SEMA5A: variants seen among roughly 807,000 people sequenced by gnomAD.
The protein encoded by SEMA5A is semaphorin-5A.
A neutral mutation model predicts 135.5 loss-of-function variants in SEMA5A; 55 were observed. That is an observed-to-expected ratio of 0.41 (90% CI 0.33 to 0.51). The LOEUF is 0.51. SEMA5A is among the 20% of genes least tolerant of loss of function. The probability of loss-of-function intolerance (pLI) is 0.37; values close to 1 mark genes in which losing one functional copy is unlikely to be tolerated. For missense variants in SEMA5A, 1,290 were observed against 1,419.9 expected, an observed-to-expected ratio of 0.91 and a Z score of 1.47; for synonymous variants, 580 against 546.5, an observed-to-expected ratio of 1.06 and a Z score of -0.85.
chr5:9,438,584 G>A (rs1164947176), intron 1 of SEMA5A, among the ~76,000 whole-genome samples: 3 of 152,196 alleles, frequency 2.0e-5, no homozygotes, highest in Non-Finnish European at 2.9e-5. Context: ...ATCCATATGA[G>A]AAATGTGTTC....
In SEMA5A at chr5:9,154,640, A is replaced by G. The variant is rs1197131849; in HGVS notation, c.1329T>C (p.Cys443=). 2 of 1,614,100 alleles carry G rather than the reference A, an allele frequency of 1.2e-6. No homozygotes were observed. Among genetic ancestry groups the G allele is most frequent in the Non-Finnish European group, 1.7e-6 (2 of 1,180,014 alleles). ...RVPLNQTSSS[C]LLEEIELFPE... is the part of the protein sequence containing the mutation. ...GGAAGAGCTCAATCTCTTCCAGCAAACAGCTGCTTGAGGTCTGATTCAGGG... is the reference window on the plus strand; with the variant it reads ...GGAAGAGCTCAATCTCTTCCAGCAAGCAGCTGCTTGAGGTCTGATTCAGGG... The change falls in exon 12 of 23, where the codon TGT becomes TGC. Residue 443 remains cysteine (C), a synonymous_variant. Transcript: ENST00000382496.
chr5:9,061,014 C>T (rs1737151742), intron 18 of SEMA5A, among the ~76,000 whole-genome samples: 1 of 151,758 alleles, frequency 6.6e-6, no homozygotes, highest in Non-Finnish European at 1.5e-5. Flanking sequence ...CGTTTCTGTC[C>T]CTCGAGACCC....
chr5:9,348,548 T>A (rs1753977923), intron 3 of SEMA5A, among the ~76,000 whole-genome samples: 1 of 152,202 alleles, frequency 6.6e-6, no homozygotes, highest in Admixed American at 6.5e-5. Context: ...GCAGAAGGGT[T>A]TTCATTTTGA....
chr5:9,161,009 C>T (rs1358948280), intron 11 of SEMA5A, among the ~76,000 whole-genome samples: 1 of 152,170 alleles, frequency 6.6e-6, no homozygotes, highest in Non-Finnish European at 1.5e-5. Flanking sequence ...CCATGAAACA[C>T]TGAATCTTAT....
At chr5:9,480,912 C>A (rs1248744889) in intron 1 of SEMA5A, among the ~76,000 whole-genome samples, 1 of 152,108 alleles carries the variant, frequency 6.6e-6, no homozygotes, top group Non-Finnish European at 1.5e-5. Flanking sequence ...ACTTTAACCA[C>A]TAAGAGACTA....
chr5:9,184,815 G>A (rs980016735), intron 11 of SEMA5A, among the ~76,000 whole-genome samples: 5 of 151,992 alleles, frequency 3.3e-5, no homozygotes, highest in Admixed American at 1.3e-4. Context: ...TCCTGCTCCT[G>A]CTGGGATGCC....
intron 11 of SEMA5A, among the ~76,000 whole-genome samples, chr5:9,158,659 G>C (rs1486273455): frequency 1.3e-5 from 2 of 152,110 alleles, no homozygotes; most frequent in Non-Finnish European, 2.9e-5. Flanking sequence ...TTTGCCATTT[G>C]TGAAAATGTC....
chr5:9,157,165 G>A (rs1025857364), intron 11 of SEMA5A, among the ~76,000 whole-genome samples: 25 of 124,970 alleles, frequency 2.0e-4, no homozygotes, highest in African/African-American at 6.7e-4. Flanking sequence ...TCTGCATCAG[G>A]TTTAGCACAC....
intron 8 of SEMA5A, among the ~76,000 whole-genome samples, chr5:9,220,869 C>T (rs1467828588): frequency 6.6e-6 from 1 of 152,180 alleles, no homozygotes; most frequent in Admixed American, 6.5e-5. Flanking sequence ...AGAACCACAG[C>T]AGCGCCGCAT....
intron 1 of SEMA5A, among the ~76,000 whole-genome samples, chr5:9,494,653 C>T (rs1228447449): frequency 6.7e-6 from 1 of 149,292 alleles, no homozygotes; most frequent in Non-Finnish European, 1.5e-5. Context: ...TTTAGAATTT[C>T]CACAATGTCC....
intron 16 of SEMA5A, among the ~76,000 whole-genome samples, chr5:9,091,422 G>A (rs1034510938): frequency 6.6e-6 from 1 of 152,142 alleles, no homozygotes; most frequent in African/African-American, 2.4e-5. Flanking sequence ...ATCCAGACAA[G>A]GATAGAGCAG....
intron 2 of SEMA5A, among the ~76,000 whole-genome samples, chr5:9,436,336 C>T (rs552175287): frequency 1.1e-4 from 16 of 152,158 alleles, no homozygotes; most frequent in African/African-American, 3.1e-4. Flanking sequence ...GGGGAGGGAA[C>T]GGGAGGTTCC....
chr5:9,085,353 C>T (rs984943847), intron 16 of SEMA5A, among the ~76,000 whole-genome samples: 1 of 152,084 alleles, frequency 6.6e-6, no homozygotes, highest in Non-Finnish European at 1.5e-5. Context: ...TCATTACAGG[C>T]CCAGAGGCCT....
chr5:9,390,605 C>T (rs750941947), intron 2 of SEMA5A, among the ~76,000 whole-genome samples: 3 of 151,908 alleles, frequency 2.0e-5, no homozygotes, highest in African/African-American at 2.4e-5. Context: ...TCTGATGAAA[C>T]CTTTTAAATC....
At chr5:9,158,753 C>T (rs1004068901) in intron 11 of SEMA5A, among the ~76,000 whole-genome samples, 2 of 152,184 alleles carry the variant, frequency 1.3e-5, no homozygotes, top group African/African-American at 4.8e-5. Flanking sequence ...AGATACTCAT[C>T]ATGAAAGGGA....
chr5:9,333,470 A>G (rs1175761438), intron 4 of SEMA5A, among the ~76,000 whole-genome samples: 1 of 152,262 alleles, frequency 6.6e-6, no homozygotes, highest in Non-Finnish European at 1.5e-5. Context: ...TGCCACCCTT[A>G]GAATGAACCT....
At chr5:9,226,237 T>C (rs886502271) in intron 7 of SEMA5A, among the ~76,000 whole-genome samples, 10 of 152,200 alleles carry the variant, frequency 6.6e-5, no homozygotes, top group African/African-American at 2.4e-4. Flanking sequence ...TTCTTCATGA[T>C]ATTCCCAGAG....
At chr5:9,233,779 C>T (rs1250450918) in intron 6 of SEMA5A, among the ~76,000 whole-genome samples, 1 of 152,192 alleles carries the variant, frequency 6.6e-6, no homozygotes, top group Non-Finnish European at 1.5e-5. Context: ...CTGAGGAATG[C>T]TCCCATCAGA....
chr5:9,206,051 T>C (rs1287745515), intron 8 of SEMA5A, among the ~76,000 whole-genome samples: 2 of 152,208 alleles, frequency 1.3e-5, no homozygotes, highest in Non-Finnish European at 2.9e-5. Context: ...TTGTTTTCCT[T>C]CCATTATTTA....
Sources: allele counts gnomAD v4.1 joint callset (sites outside exome capture counted in the v4.1 genomes callset), GRCh38; gene constraint gnomAD v4.1.1; transcripts MANE v1.5; gene names NCBI Gene and HGNC (gene_info 2026-07-23, HGNC 2026-07-21).